DDAH1: variants seen among roughly 807,000 people sequenced by gnomAD.
DDAH1 encodes dimethylarginine dimethylaminohydrolase 1, also known as N(G),N(G)-dimethylarginine dimethylaminohydrolase 1.
DDAH1 carries 19 observed loss-of-function variants against 28.8 expected under a neutral mutation model. The observed-to-expected ratio is 0.66, with a 90% CI of 0.46 to 0.97. DDAH1 has a LOEUF of 0.97. DDAH1 is among the 50% of genes least tolerant of loss of function. The probability of loss-of-function intolerance (pLI) is 0.00; values close to 1 mark genes in which losing one functional copy is unlikely to be tolerated. For synonymous variants in DDAH1, 153 were observed against 154.4 expected, an observed-to-expected ratio of 0.99 and a Z score of 0.07; for missense variants, 326 against 375.9, an observed-to-expected ratio of 0.87 and a Z score of 1.10.
intron 1 of DDAH1, chr1:85,380,478 A>G (rs1215828545): frequency 6.6e-6 from 1 of 152,188 alleles, no homozygotes; most frequent in Non-Finnish European, 1.5e-5. Context: ...GCACTGGCAG[A>G]GCTGAAATGG....
chr1:85,427,717 CAAAG>C (rs1005079647), intron 1 of DDAH1, among the ~76,000 whole-genome samples: 35 of 152,204 alleles, frequency 2.3e-4, no homozygotes, highest in Admixed American at 1.6e-3. Flanking sequence ...AAGGATGTAA[CAAAG>C]AAAGAGAGAA....
chr1:85,375,367 A>G (rs1289446155), intron 1 of DDAH1, among the ~76,000 whole-genome samples: 1 of 152,120 alleles, frequency 6.6e-6, no homozygotes, highest in Non-Finnish European at 1.5e-5. Flanking sequence ...CTGATATTCC[A>G]TAAGACTAGA....
At chr1:85,349,782 G>A (rs1289331450) in intron 4 of DDAH1, among the ~76,000 whole-genome samples, 1 of 152,120 alleles carries the variant, frequency 6.6e-6, no homozygotes, top group Non-Finnish European at 1.5e-5. Context: ...AGAAGGAAAG[G>A]GAAAGCACTG....
intron 1 of DDAH1, among the ~76,000 whole-genome samples, chr1:85,463,315 T>C (rs1445844322): frequency 6.6e-6 from 1 of 152,234 alleles, no homozygotes; most frequent in Non-Finnish European, 1.5e-5. Flanking sequence ...GACAGTCTCT[T>C]GAGAAGAAAT....
At chr1:85,355,387 C>G (rs1175735134) in intron 2 of DDAH1, among the ~76,000 whole-genome samples, 1 of 151,994 alleles carries the variant, frequency 6.6e-6, no homozygotes, top group Non-Finnish European at 1.5e-5. Context: ...TTATCAAAAC[C>G]AGACAAGGAT....
Position 85,479,164 on chromosome 1 carries a change from T to C in DDAH1, c.-7+17002A>G, listed in dbSNP as rs1044017131. Among the ~76,000 whole-genome samples, 10 of 124,440 alleles carry C rather than the reference T, an allele frequency of 8.0e-5. No individual in the cohort carries two copies. In the East Asian group the frequency reaches 1.1e-3, roughly 13 times the overall value. The allele number at this position is 124,440 out of a possible 152,430, so 81.6% of individuals were successfully genotyped here. A position where few individuals can be genotyped will look rare whatever the true frequency, so the allele number is the denominator to read the frequency against. On this transcript the variant is annotated intron_variant, in intron 2 of 6. Coordinates refer to the DDAH1 transcript ENST00000426972. ...TTTTCCTCCCTTCTGTTTTTCTTTTTTTTTTTTTTTTTTTTTTTTTGAGAC... is the reference window on the plus strand; with the variant it reads ...TTTTCCTCCCTTCTGTTTTTCTTTTCTTTTTTTTTTTTTTTTTTTTGAGAC...
At chr1:85,398,476 T>A (rs1161257370) in intron 1 of DDAH1, 1 of 152,158 alleles carries the variant, frequency 6.6e-6, no homozygotes, top group African/African-American at 2.4e-5. Context: ...GATCCTGAAT[T>A]CTTTTAGTGC....
chr1:85,520,110 C>T (rs77065821), intron 1 of DDAH1, among the ~76,000 whole-genome samples: 2 of 152,094 alleles, frequency 1.3e-5, no homozygotes, highest in South Asian at 2.1e-4. Context: ...TCCCACACTT[C>T]CCCCTGAATC....
rs1570577908 is a variant in DDAH1, at chr1:85,464,578, T to A, written c.303+165A>T. 6.6e-7 allele frequency: 1 copy of A among 1,504,364 alleles called. No homozygotes were observed. The highest frequency in any genetic ancestry group is 8.8e-7 in the Non-Finnish European group (1 of 1,133,482). 93.2% of individuals were successfully genotyped at this position (1,504,364 alleles called of 1,614,324 possible). A position where few individuals can be genotyped will look rare whatever the true frequency, so the allele number is the denominator to read the frequency against. On this transcript the variant is annotated intron_variant, in intron 1 of 5. Transcript: ENST00000284031. This position sits in a 1 kb window ranked among gnomAD's most constrained non-coding sequence, Gnocchi z 4.4. ...GGGAGGTGTGAACAATGAACTTCTC[T>A]CTGACTCTCTGACACACACACACAC...
At chr1:85,434,476 G>T (rs1653840925) in intron 1 of DDAH1, among the ~76,000 whole-genome samples, 1 of 151,998 alleles carries the variant, frequency 6.6e-6, no homozygotes, top group South Asian at 2.1e-4. Context: ...GAGTGCAGTG[G>T]CATGATCTTG....
chr1:85,500,492 T>C (rs1656785989), intron 1 of DDAH1, among the ~76,000 whole-genome samples: 1 of 152,170 alleles, frequency 6.6e-6, no homozygotes, highest in Non-Finnish European at 1.5e-5. Flanking sequence ...TAAAACTTTT[T>C]TCTTTGATCC....
Position 85,498,656 on chromosome 1 carries a change from T to C in DDAH1, c.-122-2375A>G, listed in dbSNP as rs546093543. Among the ~76,000 whole-genome samples the C allele has an allele frequency of 3.3e-4, 50 of 152,302 alleles. 1 individual carries two copies. The Middle Eastern group carries it at 0.01, about 31-fold the overall frequency. ...TTTTCGAGCCCTGTGTGGTGGCTCA[T>C]GCCTATAATCCCAGCACTTTGAGAG... On this transcript the variant is annotated intron_variant, in intron 1 of 6. Coordinates refer to the DDAH1 transcript ENST00000426972.
intron 4 of DDAH1, among the ~76,000 whole-genome samples, chr1:85,338,247 CAACAG>C (rs1648259400): frequency 6.6e-6 from 1 of 152,138 alleles, no homozygotes. Context: ...CATATGTTAT[CAACAG>C]AGAAAGGCAC....
At chr1:85,570,407 C>T (rs1256841351) in intron 1 of DDAH1, among the ~76,000 whole-genome samples, 1 of 141,822 alleles carries the variant, frequency 7.1e-6, no homozygotes, top group Non-Finnish European at 1.6e-5. Context: ...TCTCAGTGCA[C>T]TTATCTAACA....
At chr1:85,428,123 C>G (rs1653496466) in intron 1 of DDAH1, among the ~76,000 whole-genome samples, 1 of 152,184 alleles carries the variant, frequency 6.6e-6, no homozygotes, top group Non-Finnish European at 1.5e-5. Context: ...CAAGATCCTT[C>G]CAGTTATCCA....
intron 1 of DDAH1, among the ~76,000 whole-genome samples, chr1:85,412,950 G>A (rs1232986627): frequency 6.6e-6 from 1 of 152,176 alleles, no homozygotes; most frequent in African/African-American, 2.4e-5. Context: ...TCAGTGAGCT[G>A]TGATGGTGCC....
intron 1 of DDAH1, among the ~76,000 whole-genome samples, chr1:85,561,743 T>C (rs1230249539): frequency 6.6e-6 from 1 of 152,170 alleles, no homozygotes; most frequent in Non-Finnish European, 1.5e-5. Context: ...ACCAGAGAAC[T>C]GCCTGCCACT....
At chr1:85,472,296 A>C (rs577316197) in intron 2 of DDAH1, among the ~76,000 whole-genome samples, 1 of 152,300 alleles carries the variant, frequency 6.6e-6, no homozygotes, top group Non-Finnish European at 1.5e-5. Context: ...TGCTCAGTTT[A>C]TTAGCATTAG....
At chr1:85,461,248 C>T (rs1207000238) in intron 1 of DDAH1, among the ~76,000 whole-genome samples, 1 of 152,122 alleles carries the variant, frequency 6.6e-6, no homozygotes, top group African/African-American at 2.4e-5. Context: ...TCTAAAGATA[C>T]AACATTATTA....
Sources: gnomAD v4.1 joint callset for allele counts (sites outside exome capture counted in the v4.1 genomes callset) on GRCh38, gnomAD v4.1.1 for gene constraint, Gnocchi (gnomAD v3.1) non-coding constraint, MANE v1.5 for transcripts, NCBI Gene and HGNC (gene_info 2026-07-23, HGNC 2026-07-21) for gene names.